The following MUSK variants were observed in gnomAD, a reference collection of about 807,000 sequenced individuals.
The protein encoded by MUSK is muscle associated receptor tyrosine kinase.
Under a neutral mutation model 88.7 loss-of-function variants are expected in MUSK, and 55 were observed. The ratio of observed to expected loss-of-function variants is 0.62; its 90% CI spans 0.50 to 0.78. The LOEUF is 0.78. Ranked by LOEUF, MUSK falls within the 30% of genes least tolerant of loss-of-function variation. The pLI is 0.00. For missense variants in MUSK, 1,015 were observed against 1,074.3 expected, an observed-to-expected ratio of 0.94 and a Z score of 0.77; for synonymous variants, 387 against 391.9, an observed-to-expected ratio of 0.99 and a Z score of 0.15.
At chr9:110,755,951 C>CATATATATACACATATATAT (rs1564268679) in intron 7 of MUSK, among the ~76,000 whole-genome samples, 2 of 101,792 alleles carry the variant, frequency 2.0e-5, no homozygotes, top group Admixed American at 1.0e-4. Flanking sequence ...TATATATATA[C>CATATATATACACATATATAT]ACATATATAT....
intron 8 of MUSK, 159 bp from the exon 9 acceptor site, chr9:110,767,661 A>G (rs1264188105): frequency 2.4e-5 from 18 of 765,938 alleles, no homozygotes; most frequent in Non-Finnish European, 3.7e-5. Flanking sequence ...TGCAGCTGGA[A>G]ATGAAGACAA....
chr9:110,789,242 G>A (rs2077929999), intron 14 of MUSK, among the ~76,000 whole-genome samples: 1 of 152,234 alleles, frequency 6.6e-6, no homozygotes, highest in African/African-American at 2.4e-5. Flanking sequence ...AGAAGATGAT[G>A]GCATGGGCCA....
At position 110,697,317 on chromosome 9, in the gene MUSK, T is replaced by G. The variant is rs760250797; in HGVS notation, c.487-8T>G. The G allele has an allele frequency of 1.9e-6, 3 of 1,612,666 alleles. No homozygotes were observed. Among genetic ancestry groups the G allele is most frequent in the Non-Finnish European group, 2.5e-6 (3 of 1,179,134 alleles). ...ACATTTTTGAATTCACGTCCCTATC[T>G]CTGGCAGGAAAATTCCCGAATTGCA... On this transcript the variant is annotated splice_region_variant and splice_polypyrimidine_tract_variant and intron_variant, in intron 4 of 14. Transcript: ENST00000374448.
In MUSK at chr9:110,785,735, A is replaced by G. The variant is rs769781832; in HGVS notation, c.1778+17A>G. On this transcript the variant is annotated intron_variant, in intron 13 of 14. Coordinates refer to ENST00000374448, the MANE Select transcript of MUSK (RefSeq NM_005592.4). ...TCAAGCAAGGTAAAGTTACCTATGGAAAAAAAAACTCCATTGAAATATGTT... is the reference window on the plus strand; with the variant it reads ...TCAAGCAAGGTAAAGTTACCTATGGGAAAAAAAACTCCATTGAAATATGTT... 2 of 1,563,670 alleles carry G rather than the reference A, an allele frequency of 1.3e-6. No homozygotes were observed. The highest frequency in any genetic ancestry group is 1.2e-5 in the South Asian group (1 of 82,154).
intron 11 of MUSK, among the ~76,000 whole-genome samples, chr9:110,779,530 T>TC (rs2077720931): frequency 6.6e-6 from 1 of 152,128 alleles, no homozygotes; most frequent in Non-Finnish European, 1.5e-5. Flanking sequence ...AATCCTCACC[T>TC]CCATGTTTAC....
chr9:110,800,000 C>T (rs1323590246), intron 14 of MUSK, among the ~76,000 whole-genome samples: 2 of 152,152 alleles, frequency 1.3e-5, no homozygotes, highest in African/African-American at 2.4e-5. Flanking sequence ...TACTTATATG[C>T]ACCATGAACT....
At chr9:110,670,567 A>G (rs2075944601) in intron 1 of MUSK, among the ~76,000 whole-genome samples, 2 of 152,204 alleles carry the variant, frequency 1.3e-5, no homozygotes, top group Non-Finnish European at 2.9e-5. Flanking sequence ...TCCAAACTTT[A>G]CAAATAAAGC....
chr9:110,761,567 CTTTTTTTTTT>C (rs1168716499), intron 7 of MUSK, among the ~76,000 whole-genome samples: 1 of 52,720 alleles, frequency 1.9e-5, no homozygotes, highest in Non-Finnish European at 3.6e-5. Flanking sequence ...CCACATCTTG[CTTTTTTTTTT>C]TTTTTTTTTT....
chr9:110,774,211 A>G (rs555426279), intron 9 of MUSK, among the ~76,000 whole-genome samples: 33 of 152,256 alleles, frequency 2.2e-4, no homozygotes, highest in African/African-American at 7.7e-4. Flanking sequence ...ATTCAATTGA[A>G]TATTTAATTC....
intron 11 of MUSK, among the ~76,000 whole-genome samples, chr9:110,778,541 A>C (rs892740937): frequency 6.6e-6 from 1 of 152,150 alleles, no homozygotes; most frequent in Non-Finnish European, 1.5e-5. Context: ...CTAGTGTGAT[A>C]CATACATTAT....
chr9:110,687,248 G>A lies in MUSK; in HGVS notation c.338G>A (p.Gly113Glu). Residue 113 changes from glycine (G) to glutamate (E), a missense_variant, in exon 3 of 15, where the codon GGA (glycine) becomes GAA (glutamate). Gly to Glu is a moderately conservative substitution (Grantham distance 98). Coordinates refer to ENST00000374448, the MANE Select transcript of MUSK (RefSeq NM_005592.4). The part of the protein sequence containing the change: ...NGVGGAVESC[G>E]ALQVKMKPKI... ...GTGGGAGGAGCTGTGGAGAGTTGTGGAGCCCTGCAAGTGAAGATGAGTGAG... is the reference window on the plus strand; with the variant it reads ...GTGGGAGGAGCTGTGGAGAGTTGTGAAGCCCTGCAAGTGAAGATGAGTGAG... The A allele has an allele frequency of 6.2e-7, 1 of 1,613,786 alleles. No homozygotes were observed. The highest frequency in any genetic ancestry group is 8.5e-7 in the Non-Finnish European group (1 of 1,179,788).
chr9:110,690,831 TATATAA>T (rs1587910217), intron 3 of MUSK, among the ~76,000 whole-genome samples: 1 of 127,762 alleles, frequency 7.8e-6, no homozygotes, highest in East Asian at 2.1e-4. Context: ...TATATAAATA[TATATAA>T]ATATAAGTAT....
chr9:110,748,730 T>A (rs1379382761), intron 7 of MUSK, among the ~76,000 whole-genome samples: 1 of 152,312 alleles, frequency 6.6e-6, no homozygotes, highest in Non-Finnish European at 1.5e-5. Flanking sequence ...GTGCCACCTC[T>A]TTGATCTTCC....
At chr9:110,689,468 T>C (rs1424734495) in intron 3 of MUSK, among the ~76,000 whole-genome samples, 1 of 110,314 alleles carries the variant, frequency 9.1e-6, no homozygotes, top group Non-Finnish European at 1.6e-5. Context: ...TATTTATATA[T>C]ATGTAAAAAA....
At chr9:110,790,989 T>A (rs551043729) in intron 14 of MUSK, among the ~76,000 whole-genome samples, 3 of 151,554 alleles carry the variant, frequency 2.0e-5, no homozygotes, top group African/African-American at 7.3e-5. Flanking sequence ...TGCAAAGGAG[T>A]GATTATTATG....
chr9:110,785,598 T>G lies in MUSK; in HGVS notation c.1658T>G (p.Met553Arg). 2 of 1,613,388 alleles carry G rather than the reference T, an allele frequency of 1.2e-6. No individual in the cohort carries two copies. Among genetic ancestry groups the G allele is most frequent in the South Asian group, 2.2e-5 (2 of 91,002 alleles). ...CTAGATAGACTTCATCCCAACCCCATGTACCAGAGGATGCCGCTCCTTCTG... is the reference window on the plus strand; with the variant it reads ...CTAGATAGACTTCATCCCAACCCCAGGTACCAGAGGATGCCGCTCCTTCTG... ...LLLDRLHPNP[M>R]YQRMPLLLNP... The change falls in exon 13 of 15, where the codon ATG becomes AGG. Residue 553 changes from methionine (M) to arginine (R), a missense_variant. Transcript: ENST00000374448.
At chr9:110,767,044 G>A (rs923228156) in intron 8 of MUSK, among the ~76,000 whole-genome samples, 6 of 152,208 alleles carry the variant, frequency 3.9e-5, no homozygotes, top group Non-Finnish European at 1.5e-5. Flanking sequence ...GTTTGTGCTA[G>A]CACTAGCATT....
intron 6 of MUSK, among the ~76,000 whole-genome samples, chr9:110,746,447 G>A (rs576868762): frequency 3.3e-5 from 5 of 152,296 alleles, no homozygotes; most frequent in Non-Finnish European, 7.3e-5. Flanking sequence ...ACTAGGGAAG[G>A]CACTGTAACA....
intron 1 of MUSK, among the ~76,000 whole-genome samples, chr9:110,675,575 T>C (rs1260442460): frequency 5.2e-5 from 7 of 133,532 alleles, no homozygotes; most frequent in African/African-American, 2.0e-4. Context: ...TTTTTTTTTT[T>C]TTTTTTTTTT....
Sources: allele counts gnomAD v4.1 joint callset (sites outside exome capture counted in the v4.1 genomes callset), GRCh38; gene constraint gnomAD v4.1.1; transcripts MANE v1.5; gene names NCBI Gene and HGNC (gene_info 2026-07-23, HGNC 2026-07-21).